The following CLVS1 variants were observed in gnomAD, a reference collection of about 807,000 sequenced individuals.
The protein encoded by CLVS1 is clavesin 1.
Under a neutral mutation model 33.1 loss-of-function variants are expected in CLVS1, and 10 were observed. The ratio of observed to expected loss-of-function variants is 0.30; its 90% CI spans 0.19 to 0.51. The LOEUF is 0.51. CLVS1 is among the 20% of genes least tolerant of loss of function. The probability of loss-of-function intolerance (pLI) is 0.97; values close to 1 mark genes in which losing one functional copy is unlikely to be tolerated. For missense variants in CLVS1, 343 were observed against 433.4 expected (o/e 0.79, Z 1.85); for synonymous variants, 163 against 166.1 (o/e 0.98, Z 0.14).
chr8:61,177,634 A>C (rs757488697), intron 2 of CLVS1, among the ~76,000 whole-genome samples: 2 of 152,020 alleles, frequency 1.3e-5, no homozygotes, highest in Non-Finnish European at 2.9e-5. Context: ...AGGAGCAGGC[A>C]CCCATTTTTG....
At chr8:61,030,260 G>C in the CLVS1 span, among the ~76,000 whole-genome samples, 1 of 149,672 alleles carries the variant, frequency 6.7e-6, no homozygotes. Flanking sequence ...TCTCTCCATG[G>C]AACTTAGATC....
chr8:61,380,105 T>C (rs1332462916), intron 3 of CLVS1, among the ~76,000 whole-genome samples: 1 of 152,186 alleles, frequency 6.6e-6, no homozygotes, highest in African/African-American at 2.4e-5. Flanking sequence ...AATCAGGATA[T>C]ATACCTGTGT....
the CLVS1 span, among the ~76,000 whole-genome samples, chr8:60,971,554 T>A: frequency 6.6e-6 from 1 of 152,218 alleles, no homozygotes; most frequent in Non-Finnish European, 1.5e-5. Flanking sequence ...CTCTCTTTCA[T>A]GATAAAGGCT....
intron 1 of CLVS1, among the ~76,000 whole-genome samples, chr8:61,297,995 C>A (rs760674489): frequency 1.3e-5 from 2 of 152,122 alleles, no homozygotes; most frequent in Non-Finnish European, 2.9e-5. Context: ...TTGCTTGGAA[C>A]CTGTTGTTCT....
chr8:61,333,153 C>T (rs1207898191), intron 2 of CLVS1, among the ~76,000 whole-genome samples: 3 of 152,084 alleles, frequency 2.0e-5, no homozygotes, highest in African/African-American at 7.2e-5. Flanking sequence ...TATTACATTG[C>T]TTAGGAAGCA....
At chr8:61,027,541 A>T in the CLVS1 span, among the ~76,000 whole-genome samples, 1 of 152,108 alleles carries the variant, frequency 6.6e-6, no homozygotes, top group African/African-American at 2.4e-5. Context: ...GCATAAATTA[A>T]GTTCATGGCC....
At chr8:61,434,384 G>A (rs1816234769) in intron 3 of CLVS1, among the ~76,000 whole-genome samples, 1 of 152,198 alleles carries the variant, frequency 6.6e-6, no homozygotes, top group South Asian at 2.1e-4. Flanking sequence ...AACGAAAAGA[G>A]TCAAACTCTG....
chr8:61,042,370 G>C, the CLVS1 span, among the ~76,000 whole-genome samples: 1 of 152,184 alleles, frequency 6.6e-6, no homozygotes, highest in East Asian at 1.9e-4. Flanking sequence ...GTGACGTTAA[G>C]AGGAAGTCAT....
intron 1 of CLVS1, among the ~76,000 whole-genome samples, chr8:61,123,653 T>C (rs1352261119): frequency 6.6e-6 from 1 of 152,198 alleles, no homozygotes; most frequent in Non-Finnish European, 1.5e-5. Flanking sequence ...GACTCACCAA[T>C]GTATGCTATG....
chr8:61,023,260 AAG>A, the CLVS1 span, among the ~76,000 whole-genome samples: 2 of 152,336 alleles, frequency 1.3e-5, no homozygotes, highest in African/African-American at 2.4e-5. Flanking sequence ...TATTAGCTGA[AAG>A]AGGGGACATT....
intron 2 of CLVS1, among the ~76,000 whole-genome samples, chr8:61,171,275 A>T (rs138310773): frequency 4.6e-5 from 7 of 152,328 alleles, no homozygotes; most frequent in Non-Finnish European, 1.0e-4. Context: ...TTGAATGTTC[A>T]AGAGATCAGC....
rs550197510 is a variant in CLVS1 at position 61,171,561 on chromosome 8, T to C, written c.-152+39701T>C. 2.0e-5 allele frequency among the ~76,000 whole-genome samples: 3 copies of C among 152,250 alleles called. No individual in the cohort carries two copies. In the South Asian group the frequency reaches 6.2e-4, roughly 32 times the overall value. On this transcript the variant is annotated intron_variant, in intron 2 of 2. Transcript: ENST00000522621. ...AAAGGGTCTCTTTGTTCACTCCAAC[T>C]CTCCATATGGCTTCGCTGACAGTAG...
intron 2 of CLVS1, among the ~76,000 whole-genome samples, chr8:61,230,387 C>T (rs768355966): frequency 2.0e-5 from 3 of 152,156 alleles, no homozygotes; most frequent in African/African-American, 7.2e-5. Context: ...CCGTGACTAA[C>T]CTCTCTGAGC....
intron 2 of CLVS1, among the ~76,000 whole-genome samples, chr8:61,215,444 T>G (rs1232062649): frequency 6.6e-6 from 1 of 152,206 alleles, no homozygotes; most frequent in African/African-American, 2.4e-5. Flanking sequence ...TGATAGCCTA[T>G]GAATTCAAGC....
intron 2 of CLVS1, among the ~76,000 whole-genome samples, chr8:61,226,616 G>C (rs1432128804): frequency 6.6e-6 from 1 of 152,122 alleles, no homozygotes; most frequent in East Asian, 1.9e-4. Flanking sequence ...ATTTGTGACT[G>C]AACTATTTGC....
At chr8:61,003,222 T>C in the CLVS1 span, among the ~76,000 whole-genome samples, 2 of 152,202 alleles carry the variant, frequency 1.3e-5, no homozygotes, top group East Asian at 1.9e-4. Flanking sequence ...CCCCCAACAC[T>C]GGAAGGGGTC....
chr8:61,230,152 G>C (rs1035172440), intron 2 of CLVS1, among the ~76,000 whole-genome samples: 1 of 152,216 alleles, frequency 6.6e-6, no homozygotes, highest in African/African-American at 2.4e-5. Context: ...CTAAGGTTGA[G>C]GGGAGTGGTC....
chr8:61,454,262 CA>C lies in CLVS1; in HGVS notation c.741+14del. 6.4e-7 allele frequency: 1 copy of C among 1,566,180 alleles called. No individual in the cohort carries two copies. The highest frequency in any genetic ancestry group is 2.2e-5 in the East Asian group (1 of 44,632). On this transcript the variant is annotated intron_variant, in intron 4 of 5. Transcript: ENST00000325897. ...AAGACCAGGAAACGGGTAATGAAAACAAATGCATCATGTAAATTCCTGGTAC... is the reference window on the plus strand; with the variant it reads ...AAGACCAGGAAACGGGTAATGAAAACAATGCATCATGTAAATTCCTGGTAC...
intron 1 of CLVS1, among the ~76,000 whole-genome samples, chr8:61,288,815 G>C (rs1261339965): frequency 6.6e-6 from 1 of 152,148 alleles, no homozygotes; most frequent in Non-Finnish European, 1.5e-5. Flanking sequence ...CCACACGTCC[G>C]TTTCCTTTCC....
Sources: gnomAD v4.1 joint callset for allele counts (sites outside exome capture counted in the v4.1 genomes callset) on GRCh38, gnomAD v4.1.1 for gene constraint, MANE v1.5 for transcripts, NCBI Gene and HGNC (gene_info 2026-07-23, HGNC 2026-07-21) for gene names.